Variants in SERINC5 observed in about 807,000 individuals in gnomAD.
SERINC5 encodes the protein serine incorporator 5.
A neutral mutation model predicts 63.1 loss-of-function variants in SERINC5; 41 were observed. The observed-to-expected ratio is 0.65, with a 90% CI of 0.51 to 0.84. The LOEUF is 0.84. Ranked by LOEUF, SERINC5 falls within the 40% of genes least tolerant of loss-of-function variation. The pLI is 0.00. For synonymous variants in SERINC5, 222 were observed against 215.2 expected, an observed-to-expected ratio of 1.03 and a Z score of -0.28; for missense variants, 523 against 573.0, an observed-to-expected ratio of 0.91 and a Z score of 0.89.
At chr5:80,226,168 G>A (rs1751157452) in intron 1 of SERINC5, among the ~76,000 whole-genome samples, 2 of 152,014 alleles carry the variant, frequency 1.3e-5, no homozygotes, top group Admixed American at 6.6e-5. Context: ...AGCGATTCTC[G>A]TGCCTCAGAC....
chr5:80,206,461 C>T (rs747340484), intron 1 of SERINC5, among the ~76,000 whole-genome samples: 5 of 152,082 alleles, frequency 3.3e-5, no homozygotes, highest in Admixed American at 2.0e-4. Flanking sequence ...TTTTCCTAAC[C>T]AACTCTCTCC....
At chr5:80,206,946 T>G (rs1750198184) in intron 1 of SERINC5, among the ~76,000 whole-genome samples, 1 of 151,608 alleles carries the variant, frequency 6.6e-6, no homozygotes, top group African/African-American at 2.4e-5. Flanking sequence ...ATACCATGCC[T>G]GGCTGGTTGC....
chr5:80,229,030 T>TGGGGGGGGGGGGGGGTGGAGG (rs1300617664), intron 1 of SERINC5, among the ~76,000 whole-genome samples: 1 of 41,784 alleles, frequency 2.4e-5, no homozygotes, highest in Non-Finnish European at 4.1e-5. Flanking sequence ...CCTTTTTTTT[T>TGGGGGGGGGGGGGGGTGGAGG]TTTTTTTTTT....
chr5:80,150,610 A>G (rs527587437), intron 9 of SERINC5, among the ~76,000 whole-genome samples: 23 of 152,012 alleles, frequency 1.5e-4, no homozygotes, highest in African/African-American at 5.5e-4. Context: ...TAATTTTTGT[A>G]TTTTTAGTAG....
chr5:80,189,736 G>A (rs1317025700), intron 2 of SERINC5, among the ~76,000 whole-genome samples: 2 of 151,978 alleles, frequency 1.3e-5, no homozygotes, highest in Non-Finnish European at 2.9e-5. Flanking sequence ...AATAGAGAAG[G>A]GGTCTTGCTC....
At chr5:80,230,366 A>G (rs982214861) in intron 1 of SERINC5, among the ~76,000 whole-genome samples, 2 of 149,626 alleles carry the variant, frequency 1.3e-5, no homozygotes, top group Non-Finnish European at 3.0e-5. Flanking sequence ...AGGCTGAGAT[A>G]GGAGAACCAT....
At chr5:80,136,194 A>T (rs1352847043), downstream of SERINC5, among the ~76,000 whole-genome samples, 1 of 152,140 alleles carries the variant, frequency 6.6e-6, no homozygotes, top group Non-Finnish European at 1.5e-5. Context: ...GGGGTGGAAC[A>T]ATCACTTGAG....
At chr5:80,222,790 T>G (rs1171649038) in intron 1 of SERINC5, among the ~76,000 whole-genome samples, 4 of 151,968 alleles carry the variant, frequency 2.6e-5, no homozygotes, top group Non-Finnish European at 5.9e-5. Flanking sequence ...TCCAGGCTGG[T>G]CTCGAACTCC....
At chr5:80,135,017 T>C (rs1457725227), downstream of SERINC5, among the ~76,000 whole-genome samples, 1 of 152,244 alleles carries the variant, frequency 6.6e-6, no homozygotes, top group Non-Finnish European at 1.5e-5. Flanking sequence ...ACTGGGCTCC[T>C]AACCATTTAC....
chr5:80,184,004 G>A lies in SERINC5; in HGVS notation c.196-5940C>T, dbSNP rs190591776. On this transcript the variant is annotated intron_variant, in intron 2 of 11. Coordinates refer to ENST00000507668, the MANE Select transcript of SERINC5 (RefSeq NM_001174072.3). ...TAAACATGAGTGATGAAACAGCATG[G>A]TTAAAATTTTCAGGTGCTGAAATAT... Among the ~76,000 whole-genome samples the A allele has an allele frequency of 1.9e-4, 29 of 152,284 alleles. 1 individual carries two copies. Among genetic ancestry groups the A allele is most frequent in the African/African-American group, 7.0e-4 (29 of 41,544 alleles).
chr5:80,174,830 T>G, intron 5 of SERINC5, 124 bp downstream of exon 5: 1 of 584,608 alleles, frequency 1.7e-6, no homozygotes, highest in African/African-American at 1.9e-5. Context: ...AATGAAGAGG[T>G]ACAAAAAAGC....
At chr5:80,164,350 G>A (rs1747134153) in intron 7 of SERINC5, among the ~76,000 whole-genome samples, 1 of 150,688 alleles carries the variant, frequency 6.6e-6, no homozygotes, top group Non-Finnish European at 1.5e-5. Flanking sequence ...GGGGGGAGGG[G>A]GGTCTTTATT....
chr5:80,226,230 G>A (rs890826700), intron 1 of SERINC5, among the ~76,000 whole-genome samples: 5 of 152,084 alleles, frequency 3.3e-5, no homozygotes, highest in South Asian at 2.1e-4. Context: ...CTAATTTTTT[G>A]TATTTTTTAG....
chr5:80,117,545 G>C (rs142664466), intron 11 of SERINC5, among the ~76,000 whole-genome samples: 1 of 150,226 alleles, frequency 6.7e-6, no homozygotes, highest in South Asian at 2.1e-4. Flanking sequence ...CTTACCATCT[G>C]TCAGCATGCC....
chr5:80,116,021 T>TCAA (rs755735804), intron 11 of SERINC5: 313 of 284,420 alleles, frequency 1.1e-3, no homozygotes, highest in Non-Finnish European at 1.8e-3. Context: ...GTGAAAGAAA[T>TCAA]CAACAATCAG....
At chr5:80,206,811 C>CTTTT (rs35026792) in intron 1 of SERINC5, among the ~76,000 whole-genome samples, 68 of 117,744 alleles carry the variant, frequency 5.8e-4, no homozygotes, top group East Asian at 1.3e-3. Context: ...TCACTGATTG[C>CTTTT]TTTTTTTTTT....
chr5:80,161,286 T>C (rs1281987915), intron 7 of SERINC5, among the ~76,000 whole-genome samples: 1 of 152,140 alleles, frequency 6.6e-6, no homozygotes, highest in Non-Finnish European at 1.5e-5. Context: ...CTGTTTCCCA[T>C]AGAAGCTATG....
chr5:80,177,175 G>A (rs992793342), intron 4 of SERINC5, 140 bp downstream of exon 4: 2 of 614,200 alleles, frequency 3.3e-6, no homozygotes, highest in South Asian at 4.1e-5. Context: ...AGTATGGGCA[G>A]GTAAGTCAGG....
At chr5:80,250,250 C>T (rs1210177212) in intron 1 of SERINC5, among the ~76,000 whole-genome samples, 1 of 152,144 alleles carries the variant, frequency 6.6e-6, no homozygotes, top group Non-Finnish European at 1.5e-5. Context: ...AGAGAAAGAT[C>T]ATTACTGAGG....
Sources: allele counts gnomAD v4.1 joint callset (sites outside exome capture counted in the v4.1 genomes callset), GRCh38; gene constraint gnomAD v4.1.1; transcripts MANE v1.5; gene names NCBI Gene and HGNC (gene_info 2026-07-23, HGNC 2026-07-21).